The following RAD54L2 variants were observed in gnomAD, a reference collection of about 807,000 sequenced individuals.
RAD54L2 encodes the protein RAD54 like 2.
In RAD54L2, 27 loss-of-function variants were observed where a neutral mutation model predicts 138.4. The ratio of observed to expected loss-of-function variants is 0.20; its 90% confidence interval spans 0.14 to 0.27. RAD54L2 has a LOEUF of 0.27. Among genes scored for constraint, RAD54L2 ranks in the 10% least tolerant of loss-of-function variants. The pLI is 1.00. For synonymous variants in RAD54L2, 644 were observed against 723.2 expected (o/e 0.89, Z 1.76); for missense variants, 1,396 against 1,890.2 (o/e 0.74, Z 4.85).
intron 2 of RAD54L2, among the ~76,000 whole-genome samples, chr3:51,557,976 G>A (rs1699012616): frequency 6.6e-6 from 1 of 151,766 alleles, no homozygotes; most frequent in African/African-American, 2.4e-5. Flanking sequence ...CCCAGGAGTA[G>A]ATGAAACCAC....
chr3:51,614,885 T>C (rs1259499193), intron 3 of RAD54L2, among the ~76,000 whole-genome samples: 1 of 151,978 alleles, frequency 6.6e-6, no homozygotes, highest in Non-Finnish European at 1.5e-5. Flanking sequence ...GCTATGATGA[T>C]TTTTTTCATC....
intron 2 of RAD54L2, among the ~76,000 whole-genome samples, chr3:51,560,659 C>G (rs925873695): frequency 7.2e-5 from 11 of 151,988 alleles, no homozygotes; most frequent in Non-Finnish European, 1.2e-4. Flanking sequence ...GCCTGGCCCC[C>G]CAAATAGTTT....
chr3:51,563,001 A>G (rs1281519207), intron 2 of RAD54L2, among the ~76,000 whole-genome samples: 1 of 152,076 alleles, frequency 6.6e-6, no homozygotes, highest in East Asian at 1.9e-4. Context: ...TTCCCTGGAC[A>G]TTACCTAACT....
At chr3:51,607,825 A>C (rs1195847112) in intron 3 of RAD54L2, among the ~76,000 whole-genome samples, 1 of 148,644 alleles carries the variant, frequency 6.7e-6, no homozygotes, top group Non-Finnish European at 1.5e-5. Flanking sequence ...CTCACCTCCC[A>C]GACGGGGCGG....
At chr3:51,607,854 C>A (rs1191939147) in intron 3 of RAD54L2, among the ~76,000 whole-genome samples, 2 of 150,496 alleles carry the variant, frequency 1.3e-5, no homozygotes, top group African/African-American at 2.4e-5. Context: ...AGGCGCCCCC[C>A]ACCTCCCAGA....
chr3:51,598,147 A>ATG lies in RAD54L2; in HGVS notation c.139+7589_139+7590insGT, dbSNP rs1379061966. Among the ~76,000 whole-genome samples, 21 of 140,102 alleles carry ATG rather than the reference A, an allele frequency of 1.5e-4. No individual in the cohort carries two copies. The South Asian group carries it at 1.8e-3, about 12-fold the overall frequency. The allele number at this position is 140,102 out of a possible 152,430, so 91.9% of individuals were successfully genotyped here. ...TATATATATATATGTGTGTATATAT[A>ATG]TATGTGTGTGTGTGTGTGTGTGTGT... On this transcript the variant is annotated intron_variant, in intron 3 of 22. Transcript: ENST00000684192.
intron 2 of RAD54L2, among the ~76,000 whole-genome samples, chr3:51,566,258 C>T (rs546286848): frequency 6.6e-6 from 1 of 152,000 alleles, no homozygotes; most frequent in Non-Finnish European, 1.5e-5. Flanking sequence ...TTATTGTAGA[C>T]TCCAGTTTGA....
At chr3:51,584,681 G>A (rs1699675997) in intron 2 of RAD54L2, among the ~76,000 whole-genome samples, 1 of 147,894 alleles carries the variant, frequency 6.8e-6, no homozygotes, top group East Asian at 2.0e-4. Context: ...ATACTCTATA[G>A]TACTTACTAT....
At chr3:51,610,975 T>TATTAAGAA (rs1700314046) in intron 3 of RAD54L2, among the ~76,000 whole-genome samples, 1 of 152,236 alleles carries the variant, frequency 6.6e-6, no homozygotes, top group Non-Finnish European at 1.5e-5. Context: ...CCAAGAATAA[T>TATTAAGAA]ATGCTTAAGG....
chr3:51,575,533 G>A (rs202198069), intron 2 of RAD54L2, among the ~76,000 whole-genome samples: 2 of 152,256 alleles, frequency 1.3e-5, no homozygotes, highest in East Asian at 3.9e-4. Flanking sequence ...TTGAGCAGTG[G>A]TTTGTAGTTC....
At chr3:51,601,067 TG>T (rs1163234418) in intron 3 of RAD54L2, among the ~76,000 whole-genome samples, 2 of 152,214 alleles carry the variant, frequency 1.3e-5, no homozygotes, top group Non-Finnish European at 2.9e-5. Context: ...GTTCTCACTG[TG>T]GGGCAGAGGA....
intron 2 of RAD54L2, among the ~76,000 whole-genome samples, chr3:51,562,941 A>G (rs1380655986): frequency 6.6e-6 from 1 of 152,072 alleles, no homozygotes; most frequent in Non-Finnish European, 1.5e-5. Context: ...GTCTGGCCAG[A>G]AATTTCTTAT....
intron 2 of RAD54L2, among the ~76,000 whole-genome samples, chr3:51,570,219 C>T (rs949079084): frequency 1.5e-4 from 22 of 147,818 alleles, no homozygotes; most frequent in African/African-American, 4.8e-4. Context: ...TCTCAGCTCA[C>T]TGCAGCGTCT....
At chr3:51,543,771 G>C (rs1698618203) in intron 2 of RAD54L2, among the ~76,000 whole-genome samples, 1 of 152,026 alleles carries the variant, frequency 6.6e-6, no homozygotes, top group Non-Finnish European at 1.5e-5. Flanking sequence ...GGCACGTGAG[G>C]CTCAGTTATA....
chr3:51,592,660 C>T (rs1423060109), intron 3 of RAD54L2, among the ~76,000 whole-genome samples: 4 of 151,312 alleles, frequency 2.6e-5, no homozygotes, highest in Non-Finnish European at 2.9e-5. Context: ...CTGCAACCTC[C>T]GCCTCCCAGG....
At chr3:51,565,603 G>GCTAGGA (rs1416762284) in intron 2 of RAD54L2, among the ~76,000 whole-genome samples, 2 of 152,044 alleles carry the variant, frequency 1.3e-5, no homozygotes, top group African/African-American at 4.8e-5. Context: ...TTCCTGAGTA[G>GCTAGGA]CTAGGATTAC....
rs770058562 is a variant in RAD54L2 at position 51,637,180 on chromosome 3, C to T, written c.1359C>T (p.Cys453=). 3.2e-6 allele frequency: 5 copies of T among 1,583,524 alleles called. No homozygotes were observed. The highest frequency in any genetic ancestry group is 2.6e-6 in the Non-Finnish European group (3 of 1,164,602). ...EFRREFEKAL[C]RPGPDVVICD... is the part of the protein sequence containing the mutation. Reference sequence around the variant, plus strand: ...CCCTAGAGTTTGAGAAGGCTTTATGCCGCCCTGGCCCTGATGTAGTAATCT... The same window carrying T: ...CCCTAGAGTTTGAGAAGGCTTTATGTCGCCCTGGCCCTGATGTAGTAATCT... The change falls in exon 11 of 23, where the codon TGC becomes TGT. Residue 453 remains cysteine (C), a synonymous_variant. Coordinates refer to ENST00000684192, the MANE Select transcript of RAD54L2 (RefSeq NM_015106.4). This position sits in a 1 kb window ranked among gnomAD's most constrained non-coding sequence, Gnocchi z 5.9.
chr3:51,543,485 G>A (rs1315151386), intron 2 of RAD54L2, among the ~76,000 whole-genome samples: 4 of 151,986 alleles, frequency 2.6e-5, no homozygotes, highest in African/African-American at 7.2e-5. Flanking sequence ...GCGCATGCCT[G>A]TAATCCCAGC....
chr3:51,578,909 T>G (rs185198687), intron 2 of RAD54L2, among the ~76,000 whole-genome samples: 7 of 152,098 alleles, frequency 4.6e-5, no homozygotes, highest in Admixed American at 4.6e-4. Context: ...AAGAATGAGG[T>G]CACACGAACG....
Sources: allele counts gnomAD v4.1 joint callset (sites outside exome capture counted in the v4.1 genomes callset), GRCh38; gene constraint gnomAD v4.1.1; non-coding constraint Gnocchi (gnomAD v3.1); transcripts MANE v1.5; gene names NCBI Gene and HGNC (gene_info 2026-07-23, HGNC 2026-07-21).